KIR2DL3: variants seen among roughly 807,000 people sequenced by gnomAD.
The protein encoded by KIR2DL3 is killer cell immunoglobulin like receptor, two Ig domains and long cytoplasmic tail 3, also known as killer cell immunoglobulin-like receptor 2DL3.
In KIR2DL3, 39 loss-of-function variants were observed where a neutral mutation model predicts 33.8. The ratio of observed to expected loss-of-function variants is 1.15; its 90% CI spans 0.89 to 1.51. The LOEUF (loss-of-function observed/expected upper bound fraction) is 1.51, where lower values mean the gene tolerates loss of function less well. Ranked by LOEUF, KIR2DL3 falls within the 40% of genes most tolerant of loss-of-function variation. The pLI is 0.00. For missense variants in KIR2DL3, 462 were observed against 426.2 expected (o/e 1.08, Z -0.74); for synonymous variants, 174 against 160.2 (o/e 1.09, Z -0.65).
chr19:54,742,217 C>A lies in KIR2DL3; in HGVS notation c.308C>A (p.Ser103Tyr). ...GCAGGGACCTACAGATGCTACGGTT[C>A]TGTTACTCACTCCCCCTATCAGTTG... is the stretch of plus-strand genomic sequence containing the variant. ...DLAGTYRCYG[S>Y]VTHSPYQLSA... Residue 103 changes from serine (S) to tyrosine (Y), a missense_variant, in exon 3 of 8, where the codon TCT becomes TAT. Physicochemically the swap from Ser to Tyr is moderately radical, Grantham distance 144. Coordinates refer to ENST00000342376, the MANE Select transcript of KIR2DL3 (RefSeq NM_015868.3). 6.2e-7 allele frequency: 1 copy of A among 1,614,196 alleles called. No individual in the cohort carries two copies. Among genetic ancestry groups the A allele is most frequent in the Non-Finnish European group, 8.5e-7 (1 of 1,180,044 alleles).
rs571468046 is a variant in KIR2DL3 at position 54,750,770 on chromosome 19, C to A, written c.716-879C>A. ...CTAACAGATAAGCAGCGAGTGACAA[C>A]AGAAACCTACATTTCAATGTGAGCC... On this transcript the variant is annotated intron_variant, in intron 5 of 7. Transcript: ENST00000342376. Among the ~76,000 whole-genome samples the A allele has an allele frequency of 1.7e-3, 237 of 136,158 alleles. 25 individuals are homozygous for A. The highest frequency in any genetic ancestry group is 3.0e-3 in the Non-Finnish European group (187 of 61,954). 89.3% of individuals were successfully genotyped at this position (136,158 alleles called of 152,430 possible). A position where few individuals can be genotyped will look rare whatever the true frequency, so the allele number is the denominator to read the frequency against.
chr19:54,741,627 G>A (rs981726780), intron 2 of KIR2DL3, among the ~76,000 whole-genome samples: 2 of 152,024 alleles, frequency 1.3e-5, no homozygotes, highest in Admixed American at 6.6e-5. Context: ...TCATCCAAAA[G>A]AGATTGAACC....
At chr19:54,747,246 G>T (rs2072663579) in intron 4 of KIR2DL3, 89 bp from the exon 5 acceptor site, 8 of 1,518,938 alleles carry the variant, frequency 5.3e-6, no homozygotes, top group South Asian at 4.5e-5. Flanking sequence ...AGATAACAGA[G>T]TGTTGGCCAT....
At chr19:54,749,259 C>T (rs1255794830) in intron 5 of KIR2DL3, among the ~76,000 whole-genome samples, 5 of 149,600 alleles carry the variant, frequency 3.3e-5, no homozygotes, top group South Asian at 2.1e-4. Flanking sequence ...GGATTCACCT[C>T]GGGGTAACCA....
At position 54,740,983 on chromosome 19, in the gene KIR2DL3, CTG is replaced by C. The variant is rs1416772208; in HGVS notation, c.71-996_71-995del. ...TATAGAGGCTGGAAAAGTCAAGGAA[CTG>C]ATTCTCCAGAGTCTCCAGAGGGAAC... On this transcript the variant is annotated intron_variant, in intron 2 of 7. Transcript: ENST00000342376. Among the ~76,000 whole-genome samples, 6 of 151,726 alleles carry C rather than the reference CTG, an allele frequency of 4.0e-5. 1 individual carries two copies. The highest frequency in any genetic ancestry group is 1.3e-4 in the Admixed American group (2 of 15,196).
chr19:54,750,224 G>A (rs1265416596), intron 5 of KIR2DL3, among the ~76,000 whole-genome samples: 1 of 133,522 alleles, frequency 7.5e-6, no homozygotes, highest in African/African-American at 2.8e-5. Context: ...GATTCAGATA[G>A]GCTATGGGGA....
intron 4 of KIR2DL3, among the ~76,000 whole-genome samples, chr19:54,744,319 G>A (rs1293170553): frequency 5.9e-5 from 9 of 151,986 alleles, no homozygotes; most frequent in African/African-American, 1.5e-4. Flanking sequence ...TGGAGAAAAC[G>A]GTCAGGAGAG....
At chr19:54,740,394 G>T (rs1203601245) in intron 2 of KIR2DL3, among the ~76,000 whole-genome samples, 1 of 151,742 alleles carries the variant, frequency 6.6e-6, no homozygotes, top group Non-Finnish European at 1.5e-5. Flanking sequence ...AAGGTGGGGT[G>T]CCTGTCCCTG....
At chr19:54,750,866 G>A (rs1243127198) in intron 5 of KIR2DL3, among the ~76,000 whole-genome samples, 2 of 133,556 alleles carry the variant, frequency 1.5e-5, no homozygotes, top group East Asian at 2.0e-4. Context: ...GCTGGGGGAA[G>A]CCAGAGAGCA....
intron 2 of KIR2DL3, 62 bp from the exon 3 acceptor site, chr19:54,741,918 T>A: frequency 7.1e-7 from 1 of 1,409,016 alleles, no homozygotes; most frequent in Non-Finnish European, 9.9e-7. Flanking sequence ...TCACTCATTC[T>A]AGGTGCCATG....
chr19:54,748,486 CA>C (rs1432482030), intron 5 of KIR2DL3, among the ~76,000 whole-genome samples: 3 of 141,300 alleles, frequency 2.1e-5, no homozygotes, highest in African/African-American at 7.8e-5. Flanking sequence ...AAACGGTGAA[CA>C]AGATGCATTT....
At chr19:54,741,869 G>C in intron 2 of KIR2DL3, 111 bp from the exon 3 acceptor site, 1 of 1,290,718 alleles carries the variant, frequency 7.7e-7, no homozygotes, top group Non-Finnish European at 1.1e-6. Flanking sequence ...TGAAGACACA[G>C]AGAGGAAGGA....
intron 4 of KIR2DL3, among the ~76,000 whole-genome samples, chr19:54,744,947 TATA>T (rs2072163674): frequency 3.4e-5 from 1 of 29,362 alleles, no homozygotes; most frequent in African/African-American, 1.2e-4. Flanking sequence ...TATATATATA[TATA>T]TATATTTTTT....
intron 1 of KIR2DL3, among the ~76,000 whole-genome samples, chr19:54,739,094 T>C (rs1441090217): frequency 2.0e-4 from 29 of 145,928 alleles, no homozygotes; most frequent in African/African-American, 7.2e-4. Context: ...AGTGGAGATA[T>C]GGGCCTAGGA....
chr19:54,752,648 A>C lies in KIR2DL3; in HGVS notation c.*129A>C. On this transcript the variant is annotated 3_prime_UTR_variant, in exon 8 of 8. Transcript: ENST00000342376. ...CCAGCAGCTGGAATCTGAAGGCGTG[A>C]GTCTGCATCTTAGGGCATCGCTCTT... The C allele has an allele frequency of 1.6e-6, 2 of 1,233,052 alleles. No individual in the cohort carries two copies. Among genetic ancestry groups the C allele is most frequent in the Non-Finnish European group, 2.3e-6 (2 of 870,752 alleles). 76.4% of individuals were successfully genotyped at this position (1,233,052 alleles called of 1,614,324 possible).
chr19:54,745,855 C>G (rs2072400534), intron 4 of KIR2DL3, among the ~76,000 whole-genome samples: 1 of 145,986 alleles, frequency 6.8e-6, no homozygotes, highest in African/African-American at 2.5e-5. Context: ...TCTTGTCACC[C>G]AGGCTGGAGT....
intron 5 of KIR2DL3, among the ~76,000 whole-genome samples, chr19:54,749,146 T>C (rs1555915263): frequency 2.7e-4 from 38 of 142,494 alleles, no homozygotes; most frequent in South Asian, 1.1e-3. Context: ...CTGGGAATGA[T>C]GTGGGGAGAA....
At chr19:54,740,648 G>A (rs1375042753) in intron 2 of KIR2DL3, among the ~76,000 whole-genome samples, 3 of 151,848 alleles carry the variant, frequency 2.0e-5, no homozygotes, top group Admixed American at 6.6e-5. Flanking sequence ...CGCAGGCCCT[G>A]ACTGTATTTG....
chr19:54,744,886 A>ATATATATGTATG (rs2072042216), intron 4 of KIR2DL3, among the ~76,000 whole-genome samples: 27 of 67,244 alleles, frequency 4.0e-4, no homozygotes, highest in Non-Finnish European at 6.3e-4. Flanking sequence ...ATATATATAT[A>ATATATATGTATG]TATATATATA....
Sources: gnomAD v4.1 joint callset for allele counts (sites outside exome capture counted in the v4.1 genomes callset) on GRCh38, gnomAD v4.1.1 for gene constraint, MANE v1.5 for transcripts, NCBI Gene and HGNC (gene_info 2026-07-23, HGNC 2026-07-21) for gene names.